Variants in SCNN1G observed in about 807,000 individuals in gnomAD.
The protein encoded by SCNN1G is sodium channel epithelial 1 subunit gamma.
In SCNN1G, 27 loss-of-function variants were observed where a neutral mutation model predicts 64.6. The observed-to-expected ratio is 0.42, with a 90% confidence interval of 0.31 to 0.58. SCNN1G has a LOEUF of 0.58. Ranked by LOEUF, SCNN1G falls within the 20% of genes least tolerant of loss-of-function variation. SCNN1G has a pLI of 0.18. For missense variants in SCNN1G, 743 were observed against 823.4 expected, an observed-to-expected ratio of 0.90 and a Z score of 1.19; for synonymous variants, 330 against 314.2, an observed-to-expected ratio of 1.05 and a Z score of -0.53.
chr16:23,212,162 C>T lies in SCNN1G; in HGVS notation c.1294+11C>T. 6.4e-7 allele frequency: 1 copy of T among 1,559,040 alleles called. No individual in the cohort carries two copies. The highest frequency in any genetic ancestry group is 8.8e-7 in the Non-Finnish European group (1 of 1,130,094). On this transcript the variant is annotated intron_variant, in intron 8 of 12. Transcript: ENST00000300061. ...AGCACCCCAACTGGAGTGAGTGAGACCCAGCTCCAGCCTTGCATGCCCCAG... is the reference window on the plus strand; with the variant it reads ...AGCACCCCAACTGGAGTGAGTGAGATCCAGCTCCAGCCTTGCATGCCCCAG...
chr16:23,214,601 C>A, intron 11 of SCNN1G, 111 bp from the exon 12 acceptor site: 1 of 816,364 alleles, frequency 1.2e-6, no homozygotes. Context: ...CCCCAAGGAG[C>A]TCAGTGCCTT....
chr16:23,189,344 C>T, intron 2 of SCNN1G, 27 bp from the exon 3 acceptor site: 1 of 1,611,102 alleles, frequency 6.2e-7, no homozygotes, highest in Non-Finnish European at 8.5e-7. Context: ...CTCCCCTCTC[C>T]CTGACTTTTC....
intron 6 of SCNN1G, among the ~76,000 whole-genome samples, chr16:23,203,595 C>G (rs1482808622): frequency 6.6e-6 from 1 of 151,516 alleles, no homozygotes; most frequent in Non-Finnish European, 1.5e-5. Flanking sequence ...ACAGTGAAAC[C>G]CTGTCTCTAC....
rs866253265 is a variant in SCNN1G, at chr16:23,203,765, G to A, written c.1078-5985G>A. On this transcript the variant is annotated intron_variant, in intron 6 of 12. Transcript: ENST00000300061. ...AGCCTGGGCGACAGAGTGAGACTCCGTCTCAAAAAAAAAAAAAAAAAAAAA... is the reference window on the plus strand; with the variant it reads ...AGCCTGGGCGACAGAGTGAGACTCCATCTCAAAAAAAAAAAAAAAAAAAAA... Among the ~76,000 whole-genome samples the A allele has an allele frequency of 5.3e-4, 35 of 66,008 alleles. No homozygotes were observed. In the East Asian group the frequency reaches 8.5e-3, roughly 16 times the overall value. 43.3% of individuals were successfully genotyped at this position (66,008 alleles called of 152,430 possible).
chr16:23,208,684 T>C (rs935748609), intron 6 of SCNN1G, among the ~76,000 whole-genome samples: 6 of 150,276 alleles, frequency 4.0e-5, no homozygotes, highest in Admixed American at 4.0e-4. Context: ...TTCTTTCTTT[T>C]CTTTTTTCCT....
chr16:23,188,241 G>A (rs760476196), intron 2 of SCNN1G, among the ~76,000 whole-genome samples: 1 of 152,176 alleles, frequency 6.6e-6, no homozygotes, highest in African/African-American at 2.4e-5. Flanking sequence ...AGGCACAGTG[G>A]CTCATGCCTG....
chr16:23,202,963 C>A (rs549157123), intron 6 of SCNN1G, among the ~76,000 whole-genome samples: 16 of 152,242 alleles, frequency 1.1e-4, no homozygotes, highest in South Asian at 4.2e-4. Flanking sequence ...AAGGAGAAAA[C>A]CTTGGGGGGT....
At chr16:23,189,267 G>T (rs892345673) in intron 2 of SCNN1G, 104 bp from the exon 3 acceptor site, 1 of 1,174,202 alleles carries the variant, frequency 8.5e-7, no homozygotes, top group South Asian at 1.2e-5. Flanking sequence ...TGGGAAAGGT[G>T]GGCATGAGGC....
intron 11 of SCNN1G, among the ~76,000 whole-genome samples, chr16:23,213,711 C>T (rs1001361297): frequency 1.3e-5 from 2 of 152,220 alleles, no homozygotes; most frequent in East Asian, 3.9e-4. Context: ...CCAATCTGGC[C>T]AATCTTGCGT....
rs5737 is a variant in SCNN1G, at chr16:23,189,602, C to T, written c.549C>T (p.Gly183=). Residue 183 remains glycine (G), a synonymous_variant, in exon 3 of 13, where the codon GGC becomes GGT. Transcript: ENST00000300061. ...DFFTGRKRKV[G]GSIIHKASNV... ...TCACAGGGAGGAAGCGGAAAGTCGGCGGTAGCATCATTCACAAGGCTTCAA... is the reference window on the plus strand; with the variant it reads ...TCACAGGGAGGAAGCGGAAAGTCGGTGGTAGCATCATTCACAAGGCTTCAA... 107,817 of 1,613,944 alleles carry T rather than the reference C, an allele frequency of 0.067. 4,018 individuals are homozygous for T. Among genetic ancestry groups the T allele is most frequent in the Non-Finnish European group, 0.071 (83,286 of 1,179,832 alleles).
rs765367252 is a variant in SCNN1G, at chr16:23,192,586, C to A, written c.809+44C>A. On this transcript the variant is annotated intron_variant, in intron 4 of 12. Transcript: ENST00000300061. Reference sequence around the variant, plus strand: ...TCTCTCAGCCTCTAAGGACTGGCAGCTCTGAGTACCAGGCCCCTTGCAGGA... The same window carrying A: ...TCTCTCAGCCTCTAAGGACTGGCAGATCTGAGTACCAGGCCCCTTGCAGGA... 4 of 1,512,566 alleles carry A rather than the reference C, an allele frequency of 2.6e-6. No homozygotes were observed. In the African/African-American group the frequency reaches 4.1e-5, roughly 16 times the overall value. The allele number at this position is 1,512,566 out of a possible 1,614,324, so 93.7% of individuals were successfully genotyped here.
chr16:23,208,203 A>T (rs756739640), intron 6 of SCNN1G, among the ~76,000 whole-genome samples: 8 of 152,152 alleles, frequency 5.3e-5, no homozygotes, highest in Admixed American at 5.2e-4. Context: ...CATTGAAGCC[A>T]GGTGCAGTGG....
chr16:23,208,220 C>A (rs573076875), intron 6 of SCNN1G, among the ~76,000 whole-genome samples: 12 of 152,222 alleles, frequency 7.9e-5, no homozygotes, highest in African/African-American at 2.6e-4. Flanking sequence ...GTGGCAGGAG[C>A]CTGTGGTCCC....
intron 11 of SCNN1G, 87 bp downstream of exon 11, chr16:23,213,250 C>CTA: frequency 1.3e-6 from 1 of 771,270 alleles, no homozygotes. Flanking sequence ...TGGCCAAATC[C>CTA]TCTTTTTTTT....
At chr16:23,191,037 G>A (rs531418706) in intron 3 of SCNN1G, among the ~76,000 whole-genome samples, 1 of 152,056 alleles carries the variant, frequency 6.6e-6, no homozygotes, top group Admixed American at 6.5e-5. Flanking sequence ...TAAAGACTGG[G>A]TTTCACCATG....
At chr16:23,184,823 G>A (rs1294892239) in intron 1 of SCNN1G, among the ~76,000 whole-genome samples, 1 of 152,144 alleles carries the variant, frequency 6.6e-6, no homozygotes, top group Admixed American at 6.5e-5. Context: ...TCACAGACAT[G>A]GGTCCTCTCT....
chr16:23,199,329 T>G (rs888795856), intron 6 of SCNN1G, among the ~76,000 whole-genome samples: 3 of 152,248 alleles, frequency 2.0e-5, no homozygotes, highest in African/African-American at 7.2e-5. Flanking sequence ...ATTCATAGTC[T>G]TCCATTGCGT....
Position 23,189,801 on chromosome 16 carries a change from G to A in SCNN1G, c.618+130G>A. The A allele has an allele frequency of 3.2e-6, 3 of 950,448 alleles. No homozygotes were observed. The South Asian group carries it at 3.9e-5, about 12-fold the overall frequency. The allele number at this position is 950,448 out of a possible 1,614,324, so 58.9% of individuals were successfully genotyped here. A position where few individuals can be genotyped will look rare whatever the true frequency, so the allele number is the denominator to read the frequency against. On this transcript the variant is annotated intron_variant, in intron 3 of 12. Transcript: ENST00000300061. ...ATACACCCAGCTGGGGTCAGACACA[G>A]TGACTCATGCTTGTAATCCCAGCGC...
intron 6 of SCNN1G, among the ~76,000 whole-genome samples, chr16:23,201,851 T>A (rs1290148038): frequency 6.6e-6 from 1 of 152,180 alleles, no homozygotes; most frequent in African/African-American, 2.4e-5. Context: ...TGCTCTGTCA[T>A]CCAGCTGGAG....
Sources: allele counts gnomAD v4.1 joint callset (sites outside exome capture counted in the v4.1 genomes callset), GRCh38; gene constraint gnomAD v4.1.1; transcripts MANE v1.5; gene names NCBI Gene and HGNC (gene_info 2026-07-23, HGNC 2026-07-21).